The following ULK4 variants were observed in gnomAD, a reference collection of about 807,000 sequenced individuals.
ULK4 encodes inactive serine/threonine-protein kinase ULK4.
ULK4 carries 133 observed loss-of-function variants against 160.6 expected under a neutral mutation model. The observed-to-expected ratio is 0.83, with a 90% CI of 0.72 to 0.96. ULK4 has a LOEUF of 0.96. Among genes scored for constraint, ULK4 ranks in the 40% least tolerant of loss-of-function variants. The pLI is 0.00. For synonymous variants in ULK4, 534 were observed against 539.8 expected (o/e 0.99, Z 0.15); for missense variants, 1,580 against 1,499.5 (o/e 1.05, Z -0.89).
chr3:41,271,330 G>A (rs2371487), intron 35 of ULK4, among the ~76,000 whole-genome samples: 23,983 of 151,342 alleles, frequency 0.16, 2,269 homozygotes, highest in African/African-American at 0.26. Flanking sequence ...ATTCTTCTCT[G>A]GCTTCCTTCA....
intron 5 of ULK4, among the ~76,000 whole-genome samples, chr3:41,925,609 A>C (rs921396617): frequency 6.6e-6 from 1 of 152,160 alleles, no homozygotes; most frequent in Admixed American, 6.5e-5. Flanking sequence ...GGTCAGGCTC[A>C]GCGGGTCCCA....
chr3:41,329,760 A>C (rs1304696056), intron 35 of ULK4, among the ~76,000 whole-genome samples: 1 of 152,216 alleles, frequency 6.6e-6, no homozygotes, highest in East Asian at 1.9e-4. Flanking sequence ...AGTTTTCACT[A>C]ATACAAGGTA....
intron 25 of ULK4, among the ~76,000 whole-genome samples, chr3:41,708,142 A>C (rs1190762252): frequency 6.6e-6 from 1 of 150,988 alleles, no homozygotes; most frequent in Non-Finnish European, 1.5e-5. Flanking sequence ...GTACCATATG[A>C]TTAAGCAATC....
intron 30 of ULK4, among the ~76,000 whole-genome samples, chr3:41,651,183 A>C (rs2034725326): frequency 6.6e-6 from 1 of 152,210 alleles, no homozygotes; most frequent in Non-Finnish European, 1.5e-5. Flanking sequence ...CCCTCTCAGC[A>C]GCCCTGGATA....
At chr3:41,640,561 C>T (rs114820335) in intron 30 of ULK4, among the ~76,000 whole-genome samples, 1 of 152,234 alleles carries the variant, frequency 6.6e-6, no homozygotes, top group East Asian at 1.9e-4. Flanking sequence ...CTGCCCACCC[C>T]TCCTGAGCTC....
At chr3:41,875,696 T>G (rs1697270823) in intron 17 of ULK4, among the ~76,000 whole-genome samples, 1 of 149,068 alleles carries the variant, frequency 6.7e-6, no homozygotes, top group African/African-American at 2.5e-5. Flanking sequence ...AATACAATGA[T>G]TAACATTTCC....
intron 17 of ULK4, among the ~76,000 whole-genome samples, chr3:41,864,132 G>T (rs992323896): frequency 6.6e-6 from 1 of 151,966 alleles, no homozygotes; most frequent in Non-Finnish European, 1.5e-5. Flanking sequence ...CCATTGGGAT[G>T]AGTGACTCCC....
intron 16 of ULK4, among the ~76,000 whole-genome samples, chr3:41,888,097 T>C (rs1324321892): frequency 6.6e-6 from 1 of 152,028 alleles, no homozygotes; most frequent in Non-Finnish European, 1.5e-5. Flanking sequence ...CCCTATTTTT[T>C]TTAGAGTGAG....
intron 27 of ULK4, among the ~76,000 whole-genome samples, chr3:41,690,905 G>A (rs1447047921): frequency 6.6e-6 from 1 of 151,812 alleles, no homozygotes; most frequent in Non-Finnish European, 1.5e-5. Context: ...AGGCAGACAT[G>A]AGCAGGGCAG....
At chr3:41,843,489 T>C (rs969758902) in intron 17 of ULK4, among the ~76,000 whole-genome samples, 1 of 152,182 alleles carries the variant, frequency 6.6e-6, no homozygotes, top group Non-Finnish European at 1.5e-5. Flanking sequence ...TTCCTCCTTC[T>C]GGTGGGGTTC....
intron 29 of ULK4, among the ~76,000 whole-genome samples, chr3:41,667,166 AG>A (rs2035374090): frequency 6.6e-6 from 1 of 151,672 alleles, no homozygotes; most frequent in Non-Finnish European, 1.5e-5. Flanking sequence ...AAAAAAAAAA[AG>A]AAAAACACAC....
rs781282141 is a variant in ULK4, at chr3:41,717,858, C to T, written c.2325G>A (p.Leu775=). 8 of 1,613,784 alleles carry T rather than the reference C, an allele frequency of 5.0e-6. No individual in the cohort carries two copies. The Admixed American group carries it at 1.2e-4, about 24-fold the overall frequency. The part of the protein sequence containing the change: ...EMLLLSCQAR[L]VMYIERDSRK... ...TGCTGTCTCTCTCGATGTACATCAC[C>T]AGTCTACATACAGGAAAGTGCAAAG... The change falls in exon 23 of 37, where the codon CTG becomes CTA. Residue 775 remains leucine, a synonymous_variant. Transcript: ENST00000301831.
intron 35 of ULK4, among the ~76,000 whole-genome samples, chr3:41,298,635 C>T (rs2079720566): frequency 1.3e-5 from 2 of 152,282 alleles, no homozygotes; most frequent in South Asian, 2.1e-4. Flanking sequence ...ACTCTCCAAA[C>T]TGTGTATGAG....
At chr3:41,636,233 C>T (rs1343295104) in intron 30 of ULK4, among the ~76,000 whole-genome samples, 3 of 152,212 alleles carry the variant, frequency 2.0e-5, no homozygotes, top group Non-Finnish European at 4.4e-5. Flanking sequence ...ATAAAAAGCT[C>T]TCTCTGTAAA....
intron 32 of ULK4, among the ~76,000 whole-genome samples, chr3:41,470,035 A>C (rs990833517): frequency 8.1e-5 from 12 of 148,784 alleles, no homozygotes; most frequent in African/African-American, 2.5e-4. Flanking sequence ...AAAAAAAAAA[A>C]AAAAAAAAAA....
intron 27 of ULK4, among the ~76,000 whole-genome samples, chr3:41,686,798 T>C (rs948417431): frequency 1.3e-5 from 2 of 152,166 alleles, no homozygotes; most frequent in African/African-American, 4.8e-5. Flanking sequence ...GGAAACACAG[T>C]TAAGTATGAC....
intron 30 of ULK4, among the ~76,000 whole-genome samples, chr3:41,652,827 A>G (rs184224011): frequency 6.6e-6 from 1 of 152,292 alleles, no homozygotes; most frequent in East Asian, 1.9e-4. Flanking sequence ...TGGATTTTTA[A>G]AAGAAAGGGA....
chr3:41,430,681 T>C (rs1004887740), intron 34 of ULK4, among the ~76,000 whole-genome samples: 4 of 152,206 alleles, frequency 2.6e-5, no homozygotes, highest in African/African-American at 7.2e-5. Flanking sequence ...TTATAGAACA[T>C]GCTGCATGGG....
intron 30 of ULK4, among the ~76,000 whole-genome samples, chr3:41,641,496 A>C (rs1001313069): frequency 9.9e-5 from 15 of 152,212 alleles, no homozygotes; most frequent in Non-Finnish European, 8.8e-5. Context: ...CAGGAGTTCA[A>C]GACCACTCTG....
Sources: allele counts gnomAD v4.1 joint callset (sites outside exome capture counted in the v4.1 genomes callset), GRCh38; gene constraint gnomAD v4.1.1; transcripts MANE v1.5; gene names NCBI Gene and HGNC (gene_info 2026-07-23, HGNC 2026-07-21).